Variants in SEMA6D observed in about 807,000 individuals in gnomAD.
SEMA6D encodes semaphorin 6D, also known as semaphorin-6D.
SEMA6D carries 35 observed loss-of-function variants against 106.6 expected under a neutral mutation model. The ratio of observed to expected loss-of-function variants is 0.33; its 90% CI spans 0.25 to 0.44. The LOEUF (loss-of-function observed/expected upper bound fraction) is 0.44, where lower values mean the gene tolerates loss of function less well. Ranked by LOEUF, SEMA6D falls within the 20% of genes least tolerant of loss-of-function variation. The probability of loss-of-function intolerance (pLI) is 1.00; values close to 1 mark genes in which losing one functional copy is unlikely to be tolerated. For missense variants in SEMA6D, 1,185 were observed against 1,345.9 expected (o/e 0.88, Z 1.87); for synonymous variants, 499 against 487.7 (o/e 1.02, Z -0.31).
At chr15:47,394,949 T>C (rs114326670) in intron 1 of SEMA6D, among the ~76,000 whole-genome samples, 2,282 of 152,170 alleles carry the variant, frequency 0.015, 40 homozygotes, top group South Asian at 0.062. Flanking sequence ...CCTGTTGTCA[T>C]TTTATACCAA....
At chr15:47,308,177 G>A (rs2036305132) in intron 1 of SEMA6D, among the ~76,000 whole-genome samples, 1 of 152,076 alleles carries the variant, frequency 6.6e-6, no homozygotes, top group Non-Finnish European at 1.5e-5. Context: ...CCCAACTGTA[G>A]CCTTTTTTCT....
chr15:47,433,399 C>A (rs2041601390), intron 2 of SEMA6D, among the ~76,000 whole-genome samples: 1 of 151,826 alleles, frequency 6.6e-6, no homozygotes, highest in African/African-American at 2.4e-5. Context: ...TTCTAAACAA[C>A]AGATGCAGAA....
intron 1 of SEMA6D, among the ~76,000 whole-genome samples, chr15:47,225,485 C>G (rs186888868): frequency 7.0e-6 from 1 of 142,348 alleles, no homozygotes; most frequent in African/African-American, 2.6e-5. Flanking sequence ...GTCTTTGGCC[C>G]GTTTTTTAAT....
chr15:47,361,448 A>G (rs147580276), intron 1 of SEMA6D, among the ~76,000 whole-genome samples: 1 of 152,228 alleles, frequency 6.6e-6, no homozygotes, highest in Non-Finnish European at 1.5e-5. Flanking sequence ...AATGATTTCT[A>G]CAAGTCCTAT....
chr15:47,621,951 G>A (rs922810957), intron 4 of SEMA6D, among the ~76,000 whole-genome samples: 1 of 152,106 alleles, frequency 6.6e-6, no homozygotes, highest in Non-Finnish European at 1.5e-5. Context: ...ATTTTCAGAG[G>A]CTATGAAAGC....
chr15:47,336,225 G>T (rs560327798), intron 1 of SEMA6D, among the ~76,000 whole-genome samples: 27 of 152,254 alleles, frequency 1.8e-4, no homozygotes, highest in African/African-American at 6.5e-4. Flanking sequence ...ACCTGATTGT[G>T]TCGTGGGAAT....
intron 1 of SEMA6D, among the ~76,000 whole-genome samples, chr15:47,348,727 C>CCACACAGAGAGAG (rs1555425939): frequency 6.5e-4 from 37 of 57,106 alleles, no homozygotes; most frequent in Non-Finnish European, 1.1e-3. Context: ...ACCACACACA[C>CCACACAGAGAGAG]AGAGAGAGAG....
At position 47,622,281 on chromosome 15, in the gene SEMA6D, C is replaced by T. The variant is rs546277345; in HGVS notation, c.-55+21385C>T. ...CCTTCATTCACAGAGAGTCTCAAAACGTGGGAATAACAGTAACCAAAGTTC... is the reference window on the plus strand; with the variant it reads ...CCTTCATTCACAGAGAGTCTCAAAATGTGGGAATAACAGTAACCAAAGTTC... On this transcript the variant is annotated intron_variant, in intron 4 of 19. Coordinates refer to the SEMA6D transcript ENST00000558014. 2.7e-5 allele frequency among the ~76,000 whole-genome samples: 4 copies of T among 149,932 alleles called. No individual in the cohort carries two copies. The South Asian group carries it at 8.5e-4, about 32-fold the overall frequency.
intron 1 of SEMA6D, among the ~76,000 whole-genome samples, chr15:47,301,245 T>C (rs2036005414): frequency 6.6e-6 from 1 of 152,120 alleles, no homozygotes; most frequent in Admixed American, 6.5e-5. Context: ...TCAGCAAAGG[T>C]CAGAAAGGCA....
intron 1 of SEMA6D, among the ~76,000 whole-genome samples, chr15:47,278,895 C>G: frequency 6.8e-6 from 1 of 146,514 alleles, no homozygotes; most frequent in Non-Finnish European, 1.5e-5. Context: ...GCTTGTTTTT[C>G]TCAGGTTTGT....
intron 4 of SEMA6D, among the ~76,000 whole-genome samples, chr15:47,685,854 G>A (rs956488533): frequency 3.3e-5 from 5 of 152,076 alleles, no homozygotes; most frequent in African/African-American, 7.2e-5. Context: ...GCTTTGTATC[G>A]CCTCTAGACT....
At chr15:47,229,685 G>T (rs1234626305) in intron 1 of SEMA6D, among the ~76,000 whole-genome samples, 1 of 152,078 alleles carries the variant, frequency 6.6e-6, no homozygotes, top group African/African-American at 2.4e-5. Context: ...ATATTTGCTG[G>T]ATGATGAAGC....
intron 4 of SEMA6D, among the ~76,000 whole-genome samples, chr15:47,626,879 T>C (rs1396460218): frequency 6.6e-6 from 1 of 152,150 alleles, no homozygotes; most frequent in Non-Finnish European, 1.5e-5. Flanking sequence ...TTTGTGTGTA[T>C]GGAATGTTCT....
intron 3 of SEMA6D, among the ~76,000 whole-genome samples, chr15:47,507,657 T>C (rs2044093020): frequency 6.6e-6 from 1 of 152,228 alleles, no homozygotes; most frequent in Non-Finnish European, 1.5e-5. Flanking sequence ...AAGGCTGTTA[T>C]ATTTAAGGTC....
chr15:47,265,896 C>T (rs1566961068), intron 1 of SEMA6D, among the ~76,000 whole-genome samples: 2 of 152,082 alleles, frequency 1.3e-5, no homozygotes, highest in Admixed American at 6.6e-5. Context: ...ACCATAGTCA[C>T]GTTGGGATGA....
chr15:47,722,835 G>C (rs921596482), intron 1 of SEMA6D, among the ~76,000 whole-genome samples: 1 of 152,152 alleles, frequency 6.6e-6, no homozygotes, highest in South Asian at 2.1e-4. Flanking sequence ...TCTAGGCACC[G>C]TCCTAAGATC....
intron 1 of SEMA6D, among the ~76,000 whole-genome samples, chr15:47,286,168 C>T (rs1199632431): frequency 6.6e-6 from 1 of 152,124 alleles, no homozygotes; most frequent in Non-Finnish European, 1.5e-5. Flanking sequence ...CTTGTCTGAC[C>T]TACAGAGAAA....
chr15:47,633,037 G>C (rs1204087732), intron 4 of SEMA6D, among the ~76,000 whole-genome samples: 1 of 151,882 alleles, frequency 6.6e-6, no homozygotes, highest in African/African-American at 2.4e-5. Context: ...TTTCACTTAG[G>C]TTCCTTTACC....
At chr15:47,553,566 C>G (rs1355875030) in intron 3 of SEMA6D, among the ~76,000 whole-genome samples, 1 of 152,134 alleles carries the variant, frequency 6.6e-6, no homozygotes, top group Non-Finnish European at 1.5e-5. Context: ...GAATATTAGA[C>G]TTGAAAGAGA....
Sources: allele counts gnomAD v4.1 joint callset (sites outside exome capture counted in the v4.1 genomes callset), GRCh38; gene constraint gnomAD v4.1.1; transcripts MANE v1.5; gene names NCBI Gene and HGNC (gene_info 2026-07-23, HGNC 2026-07-21).